The following LRP1B variants were observed in gnomAD, a reference collection of about 807,000 sequenced individuals.
LRP1B encodes LDL receptor related protein 1B.
LRP1B carries 217 observed loss-of-function variants against 556.6 expected under a neutral mutation model. That is an observed-to-expected ratio of 0.39 (90% CI 0.35 to 0.44). LRP1B has a LOEUF of 0.44. Among genes scored for constraint, LRP1B ranks in the 20% least tolerant of loss-of-function variants. LRP1B has a pLI of 1.00. For synonymous variants in LRP1B, 2,047 were observed against 1,865.8 expected (o/e 1.10, Z -2.50); for missense variants, 5,053 against 5,620.8 (o/e 0.90, Z 3.23).
chr2:141,191,499 A>T (rs1681504186), intron 6 of LRP1B, among the ~76,000 whole-genome samples: 1 of 151,928 alleles, frequency 6.6e-6, no homozygotes, highest in African/African-American at 2.4e-5. Flanking sequence ...TATTGTCAAA[A>T]CAAGGTAGAG....
At chr2:140,863,128 A>G (rs770205986) in intron 27 of LRP1B, among the ~76,000 whole-genome samples, 1 of 151,924 alleles carries the variant, frequency 6.6e-6, no homozygotes, top group African/African-American at 2.4e-5. Flanking sequence ...TCTAAAATCA[A>G]TCTCTCTATC....
chr2:141,722,296 T>C (rs1394637724), intron 2 of LRP1B, among the ~76,000 whole-genome samples: 2 of 152,154 alleles, frequency 1.3e-5, no homozygotes, highest in East Asian at 3.9e-4. Context: ...GAGAATCGCT[T>C]GAACCTGGGA....
At chr2:141,732,096 T>C (rs1693294984) in intron 2 of LRP1B, among the ~76,000 whole-genome samples, 1 of 152,142 alleles carries the variant, frequency 6.6e-6, no homozygotes, top group Admixed American at 6.6e-5. Context: ...ACCTAAATGG[T>C]AATGACCTTC....
chr2:141,362,331 A>G (rs1241675780), intron 3 of LRP1B, among the ~76,000 whole-genome samples: 1 of 152,220 alleles, frequency 6.6e-6, no homozygotes, highest in Non-Finnish European at 1.5e-5. Context: ...GGTAATGATG[A>G]CATGCATTGC....
At chr2:141,019,890 T>G (rs377565451) in intron 12 of LRP1B, 32 bp downstream of exon 12, 2 of 1,434,178 alleles carry the variant, frequency 1.4e-6, no homozygotes, top group Non-Finnish European at 1.9e-6. Flanking sequence ...ATTATCATTT[T>G]TCTTATATAA....
intron 37 of LRP1B, among the ~76,000 whole-genome samples, chr2:140,703,826 T>C (rs1686732464): frequency 1.3e-5 from 2 of 152,184 alleles, no homozygotes; most frequent in Admixed American, 6.6e-5. Flanking sequence ...GCTCCAGCCA[T>C]GTTGCTGCAA....
At chr2:140,430,428 G>T (rs910485929) in intron 66 of LRP1B, among the ~76,000 whole-genome samples, 1 of 152,104 alleles carries the variant, frequency 6.6e-6, no homozygotes, top group Admixed American at 6.5e-5. Flanking sequence ...GCTCAAGGCC[G>T]CTTCACTTCC....
At chr2:140,634,657 CATG>C (rs761011657) in intron 41 of LRP1B, among the ~76,000 whole-genome samples, 49 of 152,118 alleles carry the variant, frequency 3.2e-4, no homozygotes, top group Non-Finnish European at 6.0e-4. Flanking sequence ...TTTGACATGA[CATG>C]ATGAAAATGG....
chr2:140,408,571 G>T (rs940206121), intron 66 of LRP1B, among the ~76,000 whole-genome samples: 8 of 151,890 alleles, frequency 5.3e-5, no homozygotes, highest in Admixed American at 1.3e-4. Flanking sequence ...GAGAGAAAAG[G>T]ATGGGGAATC....
chr2:140,784,420 A>ACACG (rs1553533167), intron 32 of LRP1B, among the ~76,000 whole-genome samples: 1 of 150,656 alleles, frequency 6.6e-6, no homozygotes, highest in African/African-American at 2.4e-5. Context: ...ACACACACAC[A>ACACG]CAAAAGGCTC....
At chr2:140,250,129 G>T (rs1231272634) in intron 86 of LRP1B, among the ~76,000 whole-genome samples, 1 of 151,870 alleles carries the variant, frequency 6.6e-6, no homozygotes, top group Admixed American at 6.6e-5. Flanking sequence ...GCACAACCCT[G>T]CTAGGCAATC....
intron 32 of LRP1B, among the ~76,000 whole-genome samples, chr2:140,789,617 A>ATTTTTT (rs1690035095): frequency 2.3e-5 from 2 of 85,202 alleles, no homozygotes; most frequent in African/African-American, 4.4e-5. Context: ...AGCTTTAAGG[A>ATTTTTT]CTTTTTTTTT....
intron 1 of LRP1B, among the ~76,000 whole-genome samples, chr2:142,021,916 C>T (rs78129414): frequency 6.6e-6 from 1 of 152,144 alleles, no homozygotes; most frequent in East Asian, 1.9e-4. Context: ...GATATTTGTC[C>T]TTGTTAAGCT....
chr2:141,166,080 TC>T (rs1680240430), intron 7 of LRP1B, among the ~76,000 whole-genome samples: 2 of 151,964 alleles, frequency 1.3e-5, no homozygotes, highest in African/African-American at 4.8e-5. Context: ...TACTTTTGCT[TC>T]CTTACCCCAC....
At chr2:140,984,969 C>T (rs935016895) in intron 17 of LRP1B, among the ~76,000 whole-genome samples, 2 of 152,100 alleles carry the variant, frequency 1.3e-5, no homozygotes, top group African/African-American at 2.4e-5. Flanking sequence ...TCACAACATT[C>T]ACTTTTTCAT....
intron 7 of LRP1B, among the ~76,000 whole-genome samples, chr2:141,140,828 C>CA (rs1701632979): frequency 6.6e-6 from 1 of 152,096 alleles, no homozygotes; most frequent in Non-Finnish European, 1.5e-5. Flanking sequence ...ATCTGATTGA[C>CA]TTACTGAGAT....
chr2:142,127,215 A>G (rs1707687545), intron 1 of LRP1B, among the ~76,000 whole-genome samples: 1 of 151,938 alleles, frequency 6.6e-6, no homozygotes, highest in Admixed American at 6.6e-5. Flanking sequence ...TCAGATTCAC[A>G]CTGGTGGCAC....
chr2:140,999,434 A>G (rs1430823227), intron 15 of LRP1B, among the ~76,000 whole-genome samples: 1 of 152,012 alleles, frequency 6.6e-6, no homozygotes, highest in African/African-American at 2.4e-5. Context: ...CTCAGAAAAA[A>G]ATTTCTCTAC....
chr2:141,851,212 C>G (rs188424320), intron 1 of LRP1B, among the ~76,000 whole-genome samples: 6 of 151,894 alleles, frequency 4.0e-5, no homozygotes, highest in Admixed American at 3.3e-4. Context: ...ATGCCCTCAT[C>G]TCAAAGGAAT....
Sources: allele counts gnomAD v4.1 joint callset (sites outside exome capture counted in the v4.1 genomes callset), GRCh38; gene constraint gnomAD v4.1.1; transcripts MANE v1.5; gene names NCBI Gene and HGNC (gene_info 2026-07-23, HGNC 2026-07-21).